The following ABCA3 variants were observed in gnomAD, a reference collection of about 807,000 sequenced individuals.
ABCA3 encodes ATP binding cassette subfamily A member 3.
Under a neutral mutation model 172.8 loss-of-function variants are expected in ABCA3, and 88 were observed. The observed-to-expected ratio is 0.51, with a 90% CI of 0.43 to 0.61. ABCA3 has a LOEUF of 0.61. Ranked by LOEUF, ABCA3 falls within the 20% of genes least tolerant of loss-of-function variation. The pLI, the probability that ABCA3 is intolerant of heterozygous loss-of-function variation, is 0.00. For missense variants in ABCA3, 2,164 were observed against 2,301.0 expected (o/e 0.94, Z 1.22); for synonymous variants, 1,066 against 983.8 (o/e 1.08, Z -1.56).
intron 13 of ABCA3, 49 bp downstream of exon 13, chr16:2,299,956 C>T (rs781420522): frequency 1.4e-5 from 22 of 1,608,036 alleles, no homozygotes; most frequent in Non-Finnish European, 1.8e-5. Context: ...GTAAGTCTTC[C>T]CATGGTCCTG....
Position 2,297,465 on chromosome 16 carries a change from C to T in ABCA3, c.2127G>A (p.Arg709=). ...GCACGATGGTGCGGTCACTTTTCTG[C>T]CGCTGAAGAAGATCCCAGATGGCCC... The part of the protein sequence containing the change: ...SRRAIWDLLQ[R]QKSDRTIVLT... The change falls in exon 17 of 33, where the codon CGG becomes CGA. Residue 709 remains arginine, a synonymous_variant. Transcript: ENST00000301732. This position sits in a 1 kb window ranked among gnomAD's most constrained non-coding sequence, Gnocchi z 5.6. 6.2e-7 allele frequency: 1 copy of T among 1,613,814 alleles called. No individual in the cohort carries two copies. Among genetic ancestry groups the T allele is most frequent in the Non-Finnish European group, 8.5e-7 (1 of 1,180,026 alleles).
intron 10 of ABCA3, among the ~76,000 whole-genome samples, chr16:2,309,433 T>G (rs972405631): frequency 6.6e-6 from 1 of 152,054 alleles, no homozygotes; most frequent in Non-Finnish European, 1.5e-5. Flanking sequence ...GTGTGCTGGA[T>G]GGAGACACAT....
In ABCA3 at chr16:2,283,789, A is replaced by T. The variant is rs2093658684; in HGVS notation, c.3863-431T>A. The T allele has an allele frequency of 8.0e-6, 2 of 250,078 alleles. No homozygotes were observed. Among genetic ancestry groups the T allele is most frequent in the Non-Finnish European group, 1.6e-5 (2 of 127,768 alleles). The allele number at this position is 250,078 out of a possible 1,614,324, so 15.5% of individuals were successfully genotyped here. ...CAGGGTCTTTGAATATGTGATTAGT[A>T]AGGATCTTAAGGTGAGACACTGGAT... On this transcript the variant is annotated intron_variant, in intron 25 of 32. Transcript: ENST00000301732. This position sits in a 1 kb window ranked among gnomAD's most constrained non-coding sequence, Gnocchi z 5.4.
At chr16:2,321,357 C>G (rs779419268) in intron 7 of ABCA3, among the ~76,000 whole-genome samples, 2 of 152,290 alleles carry the variant, frequency 1.3e-5, no homozygotes, top group Non-Finnish European at 2.9e-5. Context: ...AGAGCATTAG[C>G]CTGGTGACAG....
rs1331764719 is a variant in ABCA3 at position 2,281,028 on chromosome 16, T to C, written c.4358A>G (p.Lys1453Arg). The change falls in exon 28 of 33, where the codon AAG becomes AGG. Residue 1453 changes from lysine to arginine, a missense_variant and splice_region_variant. Physicochemically the swap from Lys to Arg is conservative, Grantham distance 26 (BLOSUM62 2). Around this residue, in one of 3 missense-constraint regions of ABCA3, gnomAD observed 795 missense variants for 881.9 expected, o/e 0.90. Coordinates refer to ENST00000301732, the MANE Select transcript of ABCA3 (RefSeq NM_001089.3). This position sits in a 1 kb window ranked among gnomAD's most constrained non-coding sequence, Gnocchi z 4.7. Reference protein sequence around the residue: ...GGHRISSDVGKVRQRIGYCPQ... With the variant: ...GGHRISSDVGRVRQRIGYCPQ... ...CAGAGCCTCCCTGGCTGCACCCACC[T>C]TTCCGACATCAGAGCTGATTCTGTG... 1 of 1,613,884 alleles carries C rather than the reference T, an allele frequency of 6.2e-7. No individual in the cohort carries two copies. Among genetic ancestry groups the C allele is most frequent in the Admixed American group, 1.7e-5 (1 of 60,022 alleles).
intron 18 of ABCA3, among the ~76,000 whole-genome samples, chr16:2,293,661 C>CA (rs2093675508): frequency 1.3e-5 from 2 of 151,784 alleles, no homozygotes; most frequent in East Asian, 3.9e-4. Flanking sequence ...CCTCAGCCTC[C>CA]CGAGTAGCTG....
intron 18 of ABCA3, among the ~76,000 whole-genome samples, chr16:2,295,328 G>A (rs778584991): frequency 6.6e-5 from 10 of 152,236 alleles, no homozygotes; most frequent in South Asian, 2.1e-4. Flanking sequence ...CTGCATCAGC[G>A]CTGAGCACCC....
chr16:2,314,915 G>T (rs1292865830), intron 10 of ABCA3, among the ~76,000 whole-genome samples: 1 of 99,300 alleles, frequency 1.0e-5, no homozygotes. Flanking sequence ...GTCTTGCTCT[G>T]TTGCCAGGCT....
In ABCA3 at chr16:2,297,741, A is replaced by G. The variant is rs748336075; in HGVS notation, c.2052+25T>C. ...CCCAGGTCGAGCAGGAGGGGAACCC[A>G]CTGCCTCCAGTCCCACCGCCACACC... On this transcript the variant is annotated intron_variant, in intron 16 of 32. Transcript: ENST00000301732. The surrounding 1 kb of genome is among the most constrained non-coding windows in gnomAD (Gnocchi z 5.6). 41 of 1,607,606 alleles carry G rather than the reference A, an allele frequency of 2.6e-5. No individual in the cohort carries two copies. Among genetic ancestry groups the G allele is most frequent in the Non-Finnish European group, 3.3e-5 (39 of 1,179,968 alleles).
rs562908720 is a variant in ABCA3 at position 2,308,011 on chromosome 16, T to C, written c.1285+439A>G. 1.1e-4 allele frequency among the ~76,000 whole-genome samples: 17 copies of C among 152,320 alleles called. No homozygotes were observed. In the South Asian group the frequency reaches 3.5e-3, roughly 32 times the overall value. ...CAGGAGGCTGAGGCAGGAGGATTGC[T>C]TGAGGTCGAAAGTTTGAGACCAGGC... On this transcript the variant is annotated intron_variant, in intron 11 of 32. Coordinates refer to ENST00000301732, the MANE Select transcript of ABCA3 (RefSeq NM_001089.3).
chr16:2,304,254 C>T lies in ABCA3; in HGVS notation c.1286-104G>A. 2.4e-6 allele frequency: 3 copies of T among 1,235,340 alleles called. 1 individual carries two copies. In the South Asian group the frequency reaches 3.6e-5, roughly 15 times the overall value. The allele number at this position is 1,235,340 out of a possible 1,614,324, so 76.5% of individuals were successfully genotyped here. A position where few individuals can be genotyped will look rare whatever the true frequency, so the allele number is the denominator to read the frequency against. ...GTGTGCACATTTGACCTTGCATGGC[C>T]ACTGCTTGGTTGGCATGCCTTTTCC... On this transcript the variant is annotated intron_variant, in intron 11 of 32. Transcript: ENST00000301732.
intron 18 of ABCA3, among the ~76,000 whole-genome samples, chr16:2,292,709 C>G (rs1240194218): frequency 2.0e-5 from 3 of 152,174 alleles, no homozygotes; most frequent in African/African-American, 7.2e-5. Flanking sequence ...TGCCTGAACT[C>G]AGGAGTTCGA....
In ABCA3 at chr16:2,317,333, G is replaced by A. The variant is rs1253240344; in HGVS notation, c.1061C>T (p.Ala354Val). The change falls in exon 10 of 33, where the codon GCC (alanine) becomes GTC (valine). Residue 354 changes from alanine (A) to valine (V), a missense_variant. By Grantham distance (64) the Ala-to-Val change is moderately conservative. Around this residue, in one of 3 missense-constraint regions of ABCA3, gnomAD observed 1,343 missense variants for 1,369.6 expected, o/e 0.98. Transcript: ENST00000301732. ...SLVLAFLLCF[A>V]ISTISFSFMV... Reference sequence around the variant, plus strand: ...GAAGCTGAAGGAGATGGTAGAGATGGCGAAGCACAGCAGGAAGGCGAGCAC... The same window carrying A: ...GAAGCTGAAGGAGATGGTAGAGATGACGAAGCACAGCAGGAAGGCGAGCAC... 1.2e-6 allele frequency: 2 copies of A among 1,614,068 alleles called. No homozygotes were observed. Among genetic ancestry groups the A allele is most frequent in the Non-Finnish European group, 1.7e-6 (2 of 1,180,020 alleles).
chr16:2,284,488 C>A lies in ABCA3; in HGVS notation c.3704-51G>T. 1 of 1,609,410 alleles carries A rather than the reference C, an allele frequency of 6.2e-7. No individual in the cohort carries two copies. Among genetic ancestry groups the A allele is most frequent in the Non-Finnish European group, 8.5e-7 (1 of 1,177,002 alleles). On this transcript the variant is annotated intron_variant, in intron 24 of 32. Coordinates refer to ENST00000301732, the MANE Select transcript of ABCA3 (RefSeq NM_001089.3). The surrounding 1 kb of genome is among the most constrained non-coding windows in gnomAD (Gnocchi z 5.9). The stretch of plus-strand genomic sequence containing the variant: ...TGCGCTGGAGGGCACACCACACCCA[C>A]CTCCAGGACGGGCCTGGTCAGGGCG...
In ABCA3 at chr16:2,281,535, T is replaced by A. The variant is rs753552296; in HGVS notation, c.4036-26A>T. 3 of 1,434,978 alleles carry A rather than the reference T, an allele frequency of 2.1e-6. No individual in the cohort carries two copies. The East Asian group carries it at 1.0e-4, about 49-fold the overall frequency. The allele number at this position is 1,434,978 out of a possible 1,614,324, so 88.9% of individuals were successfully genotyped here. Reference sequence around the variant, plus strand: ...CTGATTGACCAGGACAAAGACCGCATGCGTGAACCCAGCCGCAGGGCGGCT... The same window carrying A: ...CTGATTGACCAGGACAAAGACCGCAAGCGTGAACCCAGCCGCAGGGCGGCT... On this transcript the variant is annotated intron_variant, in intron 26 of 32. Coordinates refer to ENST00000301732, the MANE Select transcript of ABCA3 (RefSeq NM_001089.3). This position sits in a 1 kb window ranked among gnomAD's most constrained non-coding sequence, Gnocchi z 4.7.
intron 18 of ABCA3, among the ~76,000 whole-genome samples, chr16:2,293,970 G>T (rs547950318): frequency 6.6e-6 from 1 of 151,628 alleles, no homozygotes; most frequent in East Asian, 1.9e-4. Context: ...CTGGCTAAAA[G>T]TGAGGTTCAT....
chr16:2,318,146 G>A (rs879367771), intron 8 of ABCA3, among the ~76,000 whole-genome samples: 2 of 152,190 alleles, frequency 1.3e-5, no homozygotes, highest in East Asian at 1.9e-4. Flanking sequence ...TCCCAACCAC[G>A]TCAACACCAG....
chr16:2,286,861 G>A lies in ABCA3; in HGVS notation c.3111C>T (p.Val1037=), dbSNP rs374962078. ...ASFRDVGERT[V]VNALFNNQAY... ...CCTGGTTGTTGAACAAGGCGTTGAC[G>A]ACCGTGCGCTCTCCCACATCTCTGA... The change falls in exon 22 of 33, where the codon GTC becomes GTT. Residue 1037 remains valine, a synonymous_variant. Coordinates refer to ENST00000301732, the MANE Select transcript of ABCA3 (RefSeq NM_001089.3). The surrounding 1 kb of genome is among the most constrained non-coding windows in gnomAD (Gnocchi z 5.2). The A allele has an allele frequency of 8.1e-6, 13 of 1,614,066 alleles. No individual in the cohort carries two copies. Among genetic ancestry groups the A allele is most frequent in the African/African-American group, 6.7e-5 (5 of 75,024 alleles).
Position 2,278,912 on chromosome 16 carries a change from T to G in ABCA3, c.4547+31A>C, listed in dbSNP as rs1052411446. The stretch of plus-strand genomic sequence containing the variant: ...ATGGGGACCTTGATTCTGACTCCAC[T>G]CTGGGAAGGGCCAGGGCTCGGGAGG... On this transcript the variant is annotated intron_variant, in intron 29 of 32. Coordinates refer to ENST00000301732, the MANE Select transcript of ABCA3 (RefSeq NM_001089.3). This position sits in a 1 kb window ranked among gnomAD's most constrained non-coding sequence, Gnocchi z 4.4. The G allele has an allele frequency of 3.7e-6, 6 of 1,612,886 alleles. No individual in the cohort carries two copies. The African/African-American group carries it at 8.0e-5, about 22-fold the overall frequency.
Sources: allele counts gnomAD v4.1 joint callset (sites outside exome capture counted in the v4.1 genomes callset), GRCh38; gene constraint gnomAD v4.1.1; regional missense constraint gnomAD v4.1.1; non-coding constraint Gnocchi (gnomAD v3.1); transcripts MANE v1.5; gene names NCBI Gene and HGNC (gene_info 2026-07-23, HGNC 2026-07-21).